The following C1QTNF3 variants were observed in gnomAD, a reference collection of about 807,000 sequenced individuals.
C1QTNF3 encodes the protein C1q and TNF related 3, also known as complement C1q tumor necrosis factor-related protein 3.
A neutral mutation model predicts 32.6 loss-of-function variants in C1QTNF3; 26 were observed. The ratio of observed to expected loss-of-function variants is 0.80; its 90% CI spans 0.58 to 1.11. C1QTNF3 has a LOEUF of 1.11. Among genes scored for constraint, C1QTNF3 ranks in the 50% least tolerant of loss-of-function variants. C1QTNF3 has a pLI of 0.00. For synonymous variants in C1QTNF3, 155 were observed against 146.0 expected (o/e 1.06, Z -0.44); for missense variants, 362 against 398.2 (o/e 0.91, Z 0.77).
At chr5:34,094,014 G>A in the C1QTNF3 span, among the ~76,000 whole-genome samples, 1 of 152,112 alleles carries the variant, frequency 6.6e-6, no homozygotes, top group Non-Finnish European at 1.5e-5. Context: ...CTGAGCTAAG[G>A]AGCAATCCTG....
chr5:34,216,400 T>G, the C1QTNF3 span, among the ~76,000 whole-genome samples: 1,588 of 152,332 alleles, frequency 0.01, 31 homozygotes, highest in African/African-American at 0.037. Context: ...AGTTATGATG[T>G]TTTGTGTACT....
the C1QTNF3 span, among the ~76,000 whole-genome samples, chr5:34,091,325 C>A: frequency 6.6e-6 from 1 of 152,298 alleles, no homozygotes; most frequent in African/African-American, 2.4e-5. Context: ...GTGACCTACA[C>A]AACATTCTTC....
At chr5:34,131,291 C>T in the C1QTNF3 span, among the ~76,000 whole-genome samples, 1 of 151,456 alleles carries the variant, frequency 6.6e-6, no homozygotes, top group African/African-American at 2.4e-5. Flanking sequence ...TAGTGTGTGA[C>T]AGATATGTCT....
At chr5:34,060,744 G>A in the C1QTNF3 span, among the ~76,000 whole-genome samples, 2 of 152,078 alleles carry the variant, frequency 1.3e-5, no homozygotes, top group African/African-American at 4.8e-5. Context: ...GAATGGCATG[G>A]GGAAAACCTA....
At chr5:34,169,005 G>A in the C1QTNF3 span, 1 of 152,076 alleles carries the variant, frequency 6.6e-6, no homozygotes, top group Non-Finnish European at 1.5e-5. Context: ...CTTGAAAGAG[G>A]GAGTTTGGTC....
At chr5:34,204,151 A>T in the C1QTNF3 span, among the ~76,000 whole-genome samples, 3 of 152,238 alleles carry the variant, frequency 2.0e-5, no homozygotes, top group Non-Finnish European at 2.9e-5. Flanking sequence ...ACTTAAATTC[A>T]ACCTTAGATG....
At chr5:34,206,446 ACTC>A in the C1QTNF3 span, among the ~76,000 whole-genome samples, 1 of 150,416 alleles carries the variant, frequency 6.6e-6, no homozygotes, top group Non-Finnish European at 1.5e-5. Context: ...GGGCTCTTGG[ACTC>A]AAGAAAATAC....
At chr5:34,065,337 A>G in the C1QTNF3 span, among the ~76,000 whole-genome samples, 1 of 152,112 alleles carries the variant, frequency 6.6e-6, no homozygotes, top group African/African-American at 2.4e-5. Context: ...CCACAATAAC[A>G]CGCCATCCCA....
the C1QTNF3 span, among the ~76,000 whole-genome samples, chr5:34,205,089 T>G: frequency 2.1e-5 from 3 of 139,912 alleles, no homozygotes; most frequent in Admixed American, 1.5e-4. Context: ...AAGAAACTTG[T>G]ACGAAGGCAT....
At chr5:34,138,702 CTTTGAGGTACATTAATCAA>C in the C1QTNF3 span, among the ~76,000 whole-genome samples, 2 of 152,118 alleles carry the variant, frequency 1.3e-5, no homozygotes, top group African/African-American at 4.8e-5. Flanking sequence ...ACAGCTGAAT[CTTTGAGGTACATTAATCAA>C]TTTGATTTTA....
At chr5:34,224,206 G>T in the C1QTNF3 span, among the ~76,000 whole-genome samples, 3 of 121,674 alleles carry the variant, frequency 2.5e-5, no homozygotes, top group East Asian at 2.5e-4. Flanking sequence ...GAATCAATAT[G>T]GTGAAAATGG....
At chr5:34,169,603 A>T in the C1QTNF3 span, among the ~76,000 whole-genome samples, 2 of 151,992 alleles carry the variant, frequency 1.3e-5, no homozygotes, top group Non-Finnish European at 2.9e-5. Flanking sequence ...GCTGTGTAGA[A>T]GTTTGCTTGG....
the C1QTNF3 span, among the ~76,000 whole-genome samples, chr5:34,064,378 C>A: frequency 8.5e-5 from 13 of 152,150 alleles, no homozygotes; most frequent in Non-Finnish European, 1.3e-4. Context: ...CCCAAGATGG[C>A]CTTTTGTTCT....
rs370054975 is a variant in C1QTNF3 at position 34,022,981 on chromosome 5, G to A, written c.800+928C>T. Reference sequence around the variant, plus strand: ...TGCCATTCTCCTGCCTCAGCCTCCCGAGTAGCTGGGACTACAGGCGCCTGC... The same window carrying A: ...TGCCATTCTCCTGCCTCAGCCTCCCAAGTAGCTGGGACTACAGGCGCCTGC... On this transcript the variant is annotated intron_variant, in intron 5 of 5. Transcript: ENST00000382065. 2.3e-3 allele frequency among the ~76,000 whole-genome samples: 352 copies of A among 152,136 alleles called. 4 individuals carry two copies. Among genetic ancestry groups the A allele is most frequent in the Admixed American group, 4.1e-3 (63 of 15,274 alleles).
the C1QTNF3 span, among the ~76,000 whole-genome samples, chr5:34,067,500 T>C: frequency 9.2e-5 from 14 of 152,190 alleles, no homozygotes; most frequent in Admixed American, 3.3e-4. Context: ...ACATCTTACA[T>C]GAATGGCGGC....
At chr5:34,078,467 G>A in the C1QTNF3 span, among the ~76,000 whole-genome samples, 1 of 151,776 alleles carries the variant, frequency 6.6e-6, no homozygotes, top group African/African-American at 2.4e-5. The surrounding 1 kb of genome is among the most constrained non-coding windows in gnomAD (Gnocchi z 4.0). Flanking sequence ...CAGGAGGAGA[G>A]AAGGAGAACA....
chr5:34,237,060 T>C, the C1QTNF3 span, among the ~76,000 whole-genome samples: 1 of 152,328 alleles, frequency 6.6e-6, no homozygotes, highest in South Asian at 2.1e-4. Flanking sequence ...TCTAAGTTAC[T>C]AGTCATGGTG....
chr5:34,030,627 G>A (rs1002873337), intron 3 of C1QTNF3, among the ~76,000 whole-genome samples: 17 of 152,206 alleles, frequency 1.1e-4, no homozygotes, highest in Admixed American at 5.2e-4. Context: ...AGACAATTCC[G>A]CCTGTCAAGA....
the C1QTNF3 span, among the ~76,000 whole-genome samples, chr5:34,215,009 T>C: frequency 6.6e-6 from 1 of 152,210 alleles, no homozygotes; most frequent in African/African-American, 2.4e-5. Flanking sequence ...AATTATGTTT[T>C]GCTACCCTCA....
Sources: allele counts gnomAD v4.1 joint callset (sites outside exome capture counted in the v4.1 genomes callset), GRCh38; gene constraint gnomAD v4.1.1; non-coding constraint Gnocchi (gnomAD v3.1); transcripts MANE v1.5; gene names NCBI Gene and HGNC (gene_info 2026-07-23, HGNC 2026-07-21).